RFC2: variants seen among roughly 807,000 people sequenced by gnomAD.
RFC2 encodes the protein A1 40 kDa subunit.
Under a neutral mutation model 44.8 loss-of-function variants are expected in RFC2, and 34 were observed. That is an observed-to-expected ratio of 0.76 (90% CI 0.58 to 1.01). The LOEUF is 1.01. Among genes scored for constraint, RFC2 ranks in the 50% least tolerant of loss-of-function variants. The pLI is 0.00. For missense variants in RFC2, 400 were observed against 453.6 expected (o/e 0.88, Z 1.07); for synonymous variants, 177 against 168.9 (o/e 1.05, Z -0.37).
Position 74,236,216 on chromosome 7 carries a change from C to T in RFC2, c.841-571G>A, listed in dbSNP as rs577922342. On this transcript the variant is annotated intron_variant, in intron 9 of 10. Transcript: ENST00000055077. ...CCCTGCCCCACCCAGGCTGCAGCGTCTGGAGGCAGGCCTTTTTGCCTTTGT... is the reference window on the plus strand; with the variant it reads ...CCCTGCCCCACCCAGGCTGCAGCGTTTGGAGGCAGGCCTTTTTGCCTTTGT... Among the ~76,000 whole-genome samples, 182 of 143,742 alleles carry T rather than the reference C, an allele frequency of 1.3e-3. 1 individual carries two copies. Among genetic ancestry groups the T allele is most frequent in the Non-Finnish European group, 3.2e-4 (21 of 65,002 alleles). The allele number at this position is 143,742 out of a possible 152,430, so 94.3% of individuals were successfully genotyped here. A position where few individuals can be genotyped will look rare whatever the true frequency, so the allele number is the denominator to read the frequency against.
At chr7:74,246,802 C>A in intron 4 of RFC2, 39 bp from the exon 5 acceptor site, 1 of 1,361,576 alleles carries the variant, frequency 7.3e-7, no homozygotes, top group Non-Finnish European at 1.0e-6. Context: ...CCTTCTGAGA[C>A]CAATTCAGTT....
intron 5 of RFC2, among the ~76,000 whole-genome samples, chr7:74,246,398 CAA>C (rs58046761): frequency 1.2e-4 from 7 of 58,258 alleles, no homozygotes; most frequent in Admixed American, 1.9e-4. Flanking sequence ...AACTCCATCT[CAA>C]AAAAAAAAAA....
chr7:74,248,990 C>T (rs782437817), intron 4 of RFC2, 22 bp downstream of exon 4: 1 of 1,552,204 alleles, frequency 6.4e-7, no homozygotes, highest in Admixed American at 1.7e-5. Context: ...CGCCCCCCTA[C>T]AGGTCTGACT....
Position 74,238,273 on chromosome 7 carries a change from C to T in RFC2, c.759+650G>A, listed in dbSNP as rs1337239186. 2.0e-5 allele frequency among the ~76,000 whole-genome samples: 3 copies of T among 152,160 alleles called. No individual in the cohort carries two copies. Among genetic ancestry groups the T allele is most frequent in the Non-Finnish European group, 4.4e-5 (3 of 68,030 alleles). On this transcript the variant is annotated intron_variant, in intron 8 of 10. Coordinates refer to ENST00000055077, the MANE Select transcript of RFC2 (RefSeq NM_181471.3). The surrounding 1 kb of genome is among the most constrained non-coding windows in gnomAD (Gnocchi z 4.0). ...AGCTATAGGCTGAAAGCTTGGACAG[C>T]CCTTCCCAGTTTCTTCCCCCAAATA...
At chr7:74,234,488 A>T (rs575873357) in intron 10 of RFC2, among the ~76,000 whole-genome samples, 1 of 152,204 alleles carries the variant, frequency 6.6e-6, no homozygotes, top group Admixed American at 6.6e-5. Flanking sequence ...CAGTCAATAC[A>T]CAAGAGAGCC....
intron 2 of RFC2, among the ~76,000 whole-genome samples, chr7:74,250,793 C>T (rs2116343352): frequency 6.6e-6 from 1 of 152,016 alleles, no homozygotes; most frequent in Non-Finnish European, 1.5e-5. Context: ...CCTATTAAAA[C>T]ATTTTTTTTT....
chr7:74,245,161 C>T (rs782107209), intron 5 of RFC2, among the ~76,000 whole-genome samples: 74 of 151,728 alleles, frequency 4.9e-4, no homozygotes, highest in Admixed American at 9.9e-4. Flanking sequence ...TCCCAAGTAG[C>T]TGGGATTACA....
intron 10 of RFC2, among the ~76,000 whole-genome samples, chr7:74,235,062 AGT>A (rs1187383570): frequency 6.6e-6 from 1 of 152,070 alleles, no homozygotes; most frequent in Non-Finnish European, 1.5e-5. Flanking sequence ...GTTTTGAGAC[AGT>A]CTCGCTCTGC....
rs41552418 is a variant in RFC2 at position 74,254,390 on chromosome 7, G to T, written c.-7C>A. 6.3e-7 allele frequency: 1 copy of T among 1,579,890 alleles called. No individual in the cohort carries two copies. The highest frequency in any genetic ancestry group is 2.3e-5 in the East Asian group (1 of 43,108). On this transcript the variant is annotated 5_prime_UTR_variant, in exon 1 of 11. Coordinates refer to ENST00000055077, the MANE Select transcript of RFC2 (RefSeq NM_181471.3). The stretch of plus-strand genomic sequence containing the variant: ...AGACGGCCTCCACCTCCATTCTCGC[G>T]CCTCCTCTTCCCGCCACCCGAGGCA...
chr7:74,241,753 C>A (rs1051277989), intron 6 of RFC2, among the ~76,000 whole-genome samples: 1 of 152,112 alleles, frequency 6.6e-6, no homozygotes, highest in African/African-American at 2.4e-5. Flanking sequence ...TGAGGCCAGG[C>A]GTTCTAGACC....
At position 74,240,198 on chromosome 7, in the gene RFC2, A is replaced by G. The variant is rs555014984; in HGVS notation, c.536-103T>C. The G allele has an allele frequency of 1.2e-5, 13 of 1,065,876 alleles. No homozygotes were observed. The South Asian group carries it at 2.1e-4, about 17-fold the overall frequency. 66.0% of individuals were successfully genotyped at this position (1,065,876 alleles called of 1,614,324 possible). A position where few individuals can be genotyped will look rare whatever the true frequency, so the allele number is the denominator to read the frequency against. On this transcript the variant is annotated intron_variant, in intron 6 of 10. Coordinates refer to ENST00000055077, the MANE Select transcript of RFC2 (RefSeq NM_181471.3). ...GCAGCTGCACAATCCACACAGCCCC[A>G]GGCACTCAATAGAGACTTGGTAGGC...
In RFC2 at chr7:74,236,989, AAC is replaced by A. The variant is rs573529525; in HGVS notation, c.840+371_840+372del. ...AAATAAATAAATAAATAAATAAACA[AAC>A]ACAGTGATTTAGGACAAGGAATTCA... On this transcript the variant is annotated intron_variant, in intron 9 of 10. Transcript: ENST00000055077. 7.7e-3 allele frequency among the ~76,000 whole-genome samples: 1,178 copies of A among 152,202 alleles called. 17 individuals carry two copies. The highest frequency in any genetic ancestry group is 0.026 in the Admixed American group (394 of 15,256).
intron 5 of RFC2, among the ~76,000 whole-genome samples, chr7:74,246,172 G>A (rs1378986284): frequency 4.7e-5 from 7 of 150,332 alleles, no homozygotes; most frequent in Non-Finnish European, 1.0e-4. Context: ...CTCCAGCCTG[G>A]GAGACAGAGC....
chr7:74,232,649 G>A (rs981313719), intron 10 of RFC2, among the ~76,000 whole-genome samples: 4 of 152,060 alleles, frequency 2.6e-5, no homozygotes, highest in African/African-American at 4.8e-5. Context: ...GGTGGATCAC[G>A]AGCCCAGGAG....
intron 10 of RFC2, among the ~76,000 whole-genome samples, chr7:74,233,367 G>A (rs782576343): frequency 6.6e-6 from 1 of 152,054 alleles, no homozygotes; most frequent in Non-Finnish European, 1.5e-5. Context: ...ATAAAAATTG[G>A]CCGGTCTTAA....
At chr7:74,240,815 A>G (rs570091739) in intron 6 of RFC2, among the ~76,000 whole-genome samples, 86 of 152,166 alleles carry the variant, frequency 5.7e-4, no homozygotes, top group African/African-American at 2.0e-3. Flanking sequence ...TTTTTCATAG[A>G]CAGGGTTTTG....
chr7:74,239,890 C>A lies in RFC2; in HGVS notation c.693+48G>T, dbSNP rs139575642. 6.6e-6 allele frequency: 10 copies of A among 1,517,084 alleles called. No individual in the cohort carries two copies. The African/African-American group carries it at 9.6e-5, about 15-fold the overall frequency. 94.0% of individuals were successfully genotyped at this position (1,517,084 alleles called of 1,614,324 possible). A position where few individuals can be genotyped will look rare whatever the true frequency, so the allele number is the denominator to read the frequency against. On this transcript the variant is annotated intron_variant, in intron 7 of 10. Coordinates refer to ENST00000055077, the MANE Select transcript of RFC2 (RefSeq NM_181471.3). ...TCCCTCCCCTTCCCCATGGAAGGGG[C>A]ATGGCAGGCACAGGATGCCCACGCC... is the stretch of plus-strand genomic sequence containing the variant.
At chr7:74,237,531 T>C (rs1288937228) in intron 8 of RFC2, 89 bp from the exon 9 acceptor site, 1 of 682,772 alleles carries the variant, frequency 1.5e-6, no homozygotes, top group South Asian at 3.1e-5. Flanking sequence ...AGGCAATCTA[T>C]GGGTAAAACT....
At chr7:74,242,205 G>A (rs1345963675) in intron 6 of RFC2, among the ~76,000 whole-genome samples, 1 of 152,188 alleles carries the variant, frequency 6.6e-6, no homozygotes, top group African/African-American at 2.4e-5. Context: ...AATAGCACAA[G>A]AAGGTATCTG....
Sources: gnomAD v4.1 joint callset for allele counts (sites outside exome capture counted in the v4.1 genomes callset) on GRCh38, gnomAD v4.1.1 for gene constraint, Gnocchi (gnomAD v3.1) non-coding constraint, MANE v1.5 for transcripts, NCBI Gene and HGNC (gene_info 2026-07-23, HGNC 2026-07-21) for gene names.